Variants in KCNJ3 observed in about 807,000 individuals in gnomAD.
KCNJ3 encodes G protein-activated inward rectifier potassium channel 1.
Under a neutral mutation model 39.2 loss-of-function variants are expected in KCNJ3, and 4 were observed. The ratio of observed to expected loss-of-function variants is 0.10; its 90% CI spans 0.05 to 0.23. KCNJ3 has a LOEUF of 0.23. KCNJ3 is among the 10% of genes least tolerant of loss of function. The pLI is 1.00. For synonymous variants in KCNJ3, 230 were observed against 237.4 expected (o/e 0.97, Z 0.29); for missense variants, 276 against 634.9 (o/e 0.43, Z 6.08).
intron 2 of KCNJ3, among the ~76,000 whole-genome samples, chr2:154,786,417 A>G (rs1429333830): frequency 6.6e-6 from 1 of 152,214 alleles, no homozygotes; most frequent in African/African-American, 2.4e-5. Flanking sequence ...TTTCTGAAGG[A>G]TGAGACAATA....
rs192724022 is a variant in KCNJ3 at position 154,761,016 on chromosome 2, T to C, written c.919+51197T>C. ...CCTCCCAAAGTGCTGGGATTACAGG[T>C]GTGAGCCACCGTGACCGGCCCCCTT... On this transcript the variant is annotated intron_variant, in intron 2 of 2. Coordinates refer to ENST00000295101, the MANE Select transcript of KCNJ3 (RefSeq NM_002239.4). Among the ~76,000 whole-genome samples the C allele has an allele frequency of 3.4e-4, 52 of 150,822 alleles. No individual in the cohort carries two copies. In the East Asian group the frequency reaches 7.2e-3, roughly 21 times the overall value.
rs1251306842 is a variant in KCNJ3, at chr2:154,700,079, C to T, written c.702+602C>T. On this transcript the variant is annotated intron_variant, in intron 1 of 2. Transcript: ENST00000295101. ...GAAGCAGATAGTAAAGTGGAAGAAA[C>T]CACACTTGGTTCTTTTAAATTTTTA... Among the ~76,000 whole-genome samples the T allele has an allele frequency of 3.3e-5, 5 of 152,276 alleles. No homozygotes were observed. The South Asian group carries it at 8.3e-4, about 25-fold the overall frequency.
intron 2 of KCNJ3, among the ~76,000 whole-genome samples, chr2:154,765,207 C>T (rs1262027537): frequency 6.6e-6 from 1 of 152,112 alleles, no homozygotes; most frequent in Non-Finnish European, 1.5e-5. Flanking sequence ...AGCAAACTCA[C>T]CTTCGATTGA....
rs192352139 is a variant in KCNJ3 at position 154,728,036 on chromosome 2, T to C, written c.919+18217T>C. Among the ~76,000 whole-genome samples the C allele has an allele frequency of 3.5e-3, 525 of 151,928 alleles. 3 individuals carry two copies. The highest frequency in any genetic ancestry group is 0.012 in the African/African-American group (512 of 41,504). ...AGTTCCATAATGTGAAAAACAATGA[T>C]TTTGATTAATGAAAATAACTTAAAT... On this transcript the variant is annotated intron_variant, in intron 2 of 2. Transcript: ENST00000295101.
chr2:154,818,918 CTTTTTTTTTTTTT>C lies in KCNJ3; in HGVS notation c.920-35789_920-35777del, dbSNP rs57668487. Among the ~76,000 whole-genome samples the C allele has an allele frequency of 9.0e-4, 47 of 52,442 alleles. 2 individuals are homozygous for C. The East Asian group carries it at 0.029, about 32-fold the overall frequency. The allele number at this position is 52,442 out of a possible 152,430, so 34.4% of individuals were successfully genotyped here. On this transcript the variant is annotated intron_variant, in intron 2 of 2. Coordinates refer to ENST00000295101, the MANE Select transcript of KCNJ3 (RefSeq NM_002239.4). ...GAGCTTGAGCTGTAGCTGCAAAAGCCTTTTTTTTTTTTTTTTTTTTTTTTTTTTTTTTAATCAT... is the reference window on the plus strand; with the variant it reads ...GAGCTTGAGCTGTAGCTGCAAAAGCCTTTTTTTTTTTTTTTTTTTAATCAT...
intron 2 of KCNJ3, among the ~76,000 whole-genome samples, chr2:154,842,425 G>T (rs974633700): frequency 3.3e-5 from 5 of 152,162 alleles, no homozygotes; most frequent in African/African-American, 1.2e-4. Context: ...TGTTTATTTG[G>T]GGTGGAGAGT....
intron 1 of KCNJ3, among the ~76,000 whole-genome samples, chr2:154,708,409 G>C (rs1017548048): frequency 1.3e-5 from 2 of 152,066 alleles, no homozygotes; most frequent in African/African-American, 4.8e-5. Flanking sequence ...TTGGAACTCT[G>C]AGAGTAAGAA....
chr2:154,743,074 T>C (rs1476794118), intron 2 of KCNJ3, among the ~76,000 whole-genome samples: 1 of 151,854 alleles, frequency 6.6e-6, no homozygotes, highest in African/African-American at 2.4e-5. Context: ...AACTTCATTC[T>C]TTTACATGTG....
chr2:154,741,582 G>C (rs1288485079), intron 2 of KCNJ3, among the ~76,000 whole-genome samples: 1 of 151,798 alleles, frequency 6.6e-6, no homozygotes, highest in Non-Finnish European at 1.5e-5. Flanking sequence ...GCTTATGGAA[G>C]TAGGTAAAAT....
chr2:154,808,767 T>A (rs1686959660), intron 2 of KCNJ3, among the ~76,000 whole-genome samples: 2 of 152,162 alleles, frequency 1.3e-5, no homozygotes, highest in South Asian at 4.1e-4. Context: ...AATTAATCTT[T>A]TGGAGAAACT....
At chr2:154,719,870 C>G (rs547202671) in intron 2 of KCNJ3, among the ~76,000 whole-genome samples, 151 of 152,170 alleles carry the variant, frequency 9.9e-4, no homozygotes, top group African/African-American at 3.5e-3. Flanking sequence ...GAGTGAGTCT[C>G]TCTTGACAAA....
intron 2 of KCNJ3, among the ~76,000 whole-genome samples, chr2:154,815,690 A>G (rs1251871359): frequency 2.0e-5 from 3 of 152,196 alleles, no homozygotes; most frequent in African/African-American, 7.2e-5. Context: ...CTGTTAATCT[A>G]TGAGGCCTGC....
intron 2 of KCNJ3, among the ~76,000 whole-genome samples, chr2:154,835,747 A>C (rs1411172959): frequency 6.6e-6 from 1 of 152,024 alleles, no homozygotes; most frequent in Non-Finnish European, 1.5e-5. Context: ...AATATTAACA[A>C]GCTTTTGAAT....
chr2:154,726,768 A>G (rs1423142543), intron 2 of KCNJ3, among the ~76,000 whole-genome samples: 1 of 144,870 alleles, frequency 6.9e-6, no homozygotes, highest in African/African-American at 2.5e-5. Context: ...ATATATACAC[A>G]CACACACACA....
chr2:154,761,030 A>C (rs12467022), intron 2 of KCNJ3, among the ~76,000 whole-genome samples: 48,107 of 145,856 alleles, frequency 0.33, 9,141 homozygotes, highest in Non-Finnish European at 0.43. Flanking sequence ...AGCCACCGTG[A>C]CCGGCCCCCT....
At chr2:154,708,617 A>C (rs1428062365) in intron 1 of KCNJ3, among the ~76,000 whole-genome samples, 2 of 152,162 alleles carry the variant, frequency 1.3e-5, no homozygotes, top group Non-Finnish European at 2.9e-5. Context: ...CCATAATTAC[A>C]TAAATTAAAT....
Position 154,776,005 on chromosome 2 carries a change from C to CTT in KCNJ3, c.919+66198_919+66199dup, listed in dbSNP as rs397872416. On this transcript the variant is annotated intron_variant, in intron 2 of 2. Transcript: ENST00000295101. ...AAAAAGGAACTCAGGAGAAGTGATT[C>CTT]TTTTTTTTTTTTTGAGATGGAATTT... 9.5e-3 allele frequency among the ~76,000 whole-genome samples: 1,377 copies of CTT among 144,782 alleles called. 9 individuals are homozygous for CTT. The highest frequency in any genetic ancestry group is 0.014 in the Non-Finnish European group (937 of 66,108). The allele number at this position is 144,782 out of a possible 152,430, so 95.0% of individuals were successfully genotyped here.
intron 2 of KCNJ3, among the ~76,000 whole-genome samples, chr2:154,788,142 G>C (rs1686566716): frequency 6.6e-6 from 1 of 152,084 alleles, no homozygotes; most frequent in African/African-American, 2.4e-5. Context: ...ATACAGAAAA[G>C]GAGGCCATCA....
intron 2 of KCNJ3, among the ~76,000 whole-genome samples, chr2:154,728,482 C>T (rs1162507394): frequency 6.6e-6 from 1 of 152,148 alleles, no homozygotes; most frequent in African/African-American, 2.4e-5. Context: ...TAAACCTCTT[C>T]CCTATTAATA....
Sources: gnomAD v4.1 joint callset for allele counts (sites outside exome capture counted in the v4.1 genomes callset) on GRCh38, gnomAD v4.1.1 for gene constraint, MANE v1.5 for transcripts, NCBI Gene and HGNC (gene_info 2026-07-23, HGNC 2026-07-21) for gene names.